Variants in CPA6 observed in about 807,000 individuals in gnomAD.
The protein encoded by CPA6 is carboxypeptidase A6, also known as carboxypeptidase B.
A neutral mutation model predicts 63.3 loss-of-function variants in CPA6; 58 were observed. The observed-to-expected ratio is 0.92, with a 90% CI of 0.74 to 1.14. The LOEUF (loss-of-function observed/expected upper bound fraction) is 1.14. CPA6 is among the 50% of genes most tolerant of loss of function. The pLI, the probability that CPA6 is intolerant of heterozygous loss-of-function variation, is 0.00. For missense variants in CPA6, 565 were observed against 526.6 expected (o/e 1.07, Z -0.71); for synonymous variants, 185 against 179.0 (o/e 1.03, Z -0.27).
chr8:67,558,409 A>G (rs758770620), intron 2 of CPA6, among the ~76,000 whole-genome samples: 1 of 152,210 alleles, frequency 6.6e-6, no homozygotes, highest in African/African-American at 2.4e-5. Context: ...CCATGAGGGC[A>G]TCTATCTTAT....
Position 67,548,915 on chromosome 8 carries a change from C to T in CPA6, c.193-30868G>A, listed in dbSNP as rs986888965. On this transcript the variant is annotated intron_variant, in intron 2 of 10. Transcript: ENST00000297770. ...CTGTAGGTTTGGGTCCTGTGACCCT[C>T]GTGTCAGGGGACTAGGGACTGTGCA... Among the ~76,000 whole-genome samples, 3 of 152,136 alleles carry T rather than the reference C, an allele frequency of 2.0e-5. No individual in the cohort carries two copies. The East Asian group carries it at 5.8e-4, about 29-fold the overall frequency.
intron 2 of CPA6, among the ~76,000 whole-genome samples, chr8:67,584,446 G>A (rs1813869615): frequency 6.6e-6 from 1 of 151,836 alleles, no homozygotes. Flanking sequence ...AATGCTAGGA[G>A]TGGCTGATTA....
intron 1 of CPA6, among the ~76,000 whole-genome samples, chr8:67,722,555 C>G (rs1817521691): frequency 6.6e-6 from 1 of 152,174 alleles, no homozygotes; most frequent in African/African-American, 2.4e-5. Context: ...CCGAACTTCT[C>G]TCAAATGAAA....
intron 8 of CPA6, among the ~76,000 whole-genome samples, chr8:67,443,442 G>A (rs960198239): frequency 1.9e-4 from 29 of 152,056 alleles, no homozygotes; most frequent in Admixed American, 4.6e-4. Flanking sequence ...CTAATCCTAA[G>A]TTGATGCCTG....
intron 2 of CPA6, among the ~76,000 whole-genome samples, chr8:67,544,076 C>T (rs942318978): frequency 3.3e-5 from 5 of 152,180 alleles, no homozygotes; most frequent in South Asian, 2.1e-4. Context: ...ATATAAGCCA[C>T]GGCATCCAGC....
At chr8:67,741,290 G>A (rs1587743418) in intron 1 of CPA6, among the ~76,000 whole-genome samples, 1 of 152,174 alleles carries the variant, frequency 6.6e-6, no homozygotes, top group East Asian at 1.9e-4. Flanking sequence ...TGGGAAGCCA[G>A]TCCTCTCTGC....
chr8:67,580,382 A>G (rs1243114320), intron 2 of CPA6, among the ~76,000 whole-genome samples: 4 of 152,230 alleles, frequency 2.6e-5, no homozygotes, highest in Non-Finnish European at 5.9e-5. Context: ...TTTGATTGCC[A>G]TTAGCTTTGC....
chr8:67,529,751 T>C (rs1587527066), intron 2 of CPA6, among the ~76,000 whole-genome samples: 1 of 151,394 alleles, frequency 6.6e-6, no homozygotes, highest in Admixed American at 6.6e-5. Context: ...AGAAAATACC[T>C]CCCCTCAAAG....
At chr8:67,451,340 C>A (rs1004851444) in intron 8 of CPA6, among the ~76,000 whole-genome samples, 1 of 152,138 alleles carries the variant, frequency 6.6e-6, no homozygotes, top group African/African-American at 2.4e-5. Flanking sequence ...GGAGTGCGAA[C>A]CTTATTGTGA....
intron 1 of CPA6, among the ~76,000 whole-genome samples, chr8:67,712,486 A>G (rs893062939): frequency 1.3e-5 from 2 of 152,100 alleles, no homozygotes; most frequent in Non-Finnish European, 2.9e-5. Context: ...CAGTATTTGC[A>G]CACAAGCAGC....
At chr8:67,438,772 A>C (rs962972580) in intron 8 of CPA6, among the ~76,000 whole-genome samples, 1 of 150,178 alleles carries the variant, frequency 6.7e-6, no homozygotes, top group African/African-American at 2.5e-5. Context: ...GATGGAAAAT[A>C]AAGAGGGAGG....
chr8:67,490,704 T>C (rs1267021876), intron 6 of CPA6, among the ~76,000 whole-genome samples: 1 of 152,194 alleles, frequency 6.6e-6, no homozygotes, highest in East Asian at 1.9e-4. Flanking sequence ...TACATACTTA[T>C]GTACATGTTA....
chr8:67,665,357 T>C (rs1003164368), intron 1 of CPA6, among the ~76,000 whole-genome samples: 11 of 152,288 alleles, frequency 7.2e-5, no homozygotes, highest in Non-Finnish European at 1.5e-4. Flanking sequence ...TTTGCTGACC[T>C]CAATTTTCAG....
intron 2 of CPA6, among the ~76,000 whole-genome samples, chr8:67,527,523 G>A (rs529664226): frequency 9.9e-5 from 15 of 152,200 alleles, no homozygotes; most frequent in African/African-American, 3.1e-4. Context: ...CAAATAAAGG[G>A]GTTGAACTGA....
chr8:67,486,859 GTTGAC>G (rs1392740772), intron 6 of CPA6, among the ~76,000 whole-genome samples: 2 of 151,156 alleles, frequency 1.3e-5, no homozygotes, highest in South Asian at 2.1e-4. Context: ...TTTTGTTGTT[GTTGAC>G]TTAACAATTT....
At chr8:67,708,863 G>C (rs912707062) in intron 1 of CPA6, among the ~76,000 whole-genome samples, 2 of 152,130 alleles carry the variant, frequency 1.3e-5, no homozygotes, top group Non-Finnish European at 2.9e-5. Flanking sequence ...GAGCAGGAGA[G>C]GGCCCCCAAC....
intron 2 of CPA6, among the ~76,000 whole-genome samples, chr8:67,594,864 C>G (rs1206180159): frequency 6.6e-6 from 1 of 152,132 alleles, no homozygotes; most frequent in Non-Finnish European, 1.5e-5. Flanking sequence ...TCGTCTGAAG[C>G]CTTCTTCTCT....
intron 8 of CPA6, among the ~76,000 whole-genome samples, chr8:67,449,739 G>T (rs1362526754): frequency 6.6e-6 from 1 of 150,956 alleles, no homozygotes; most frequent in Non-Finnish European, 1.5e-5. Context: ...TTCCTCTCAT[G>T]TTCTCCCTTC....
intron 3 of CPA6, 87 bp downstream of exon 3, chr8:67,517,836 A>C: frequency 7.5e-7 from 1 of 1,333,592 alleles, no homozygotes; most frequent in Non-Finnish European, 1.0e-6. Flanking sequence ...CACTGTTGTA[A>C]GTACTTGATA....
Sources: allele counts gnomAD v4.1 joint callset (sites outside exome capture counted in the v4.1 genomes callset), GRCh38; gene constraint gnomAD v4.1.1; transcripts MANE v1.5; gene names NCBI Gene and HGNC (gene_info 2026-07-23, HGNC 2026-07-21).